Variants in WDR25 observed in about 807,000 individuals in gnomAD.
WDR25 encodes the protein WD repeat domain 25, also known as WD repeat-containing protein 25.
WDR25 carries 35 observed loss-of-function variants against 47.7 expected under a neutral mutation model. The observed-to-expected ratio is 0.73, with a 90% CI of 0.56 to 0.97. The LOEUF is 0.97. WDR25 is among the 50% of genes least tolerant of loss of function. WDR25 has a pLI of 0.00. For synonymous variants in WDR25, 248 were observed against 278.9 expected, an observed-to-expected ratio of 0.89 and a Z score of 1.10; for missense variants, 634 against 704.7, an observed-to-expected ratio of 0.90 and a Z score of 1.14.
At chr14:100,417,531 G>A (rs562236077) in intron 2 of WDR25, among the ~76,000 whole-genome samples, 1 of 152,300 alleles carries the variant, frequency 6.6e-6, no homozygotes, top group East Asian at 1.9e-4. Context: ...CTCTTCCCTG[G>A]TGGCTCCCCT....
intron 4 of WDR25, among the ~76,000 whole-genome samples, chr14:100,512,259 T>A (rs563424265): frequency 4.5e-4 from 68 of 152,312 alleles, no homozygotes; most frequent in African/African-American, 1.6e-3. Flanking sequence ...TTTGAAATTT[T>A]AAATAAAATC....
chr14:100,516,930 GTTT>G (rs796822380), intron 4 of WDR25, among the ~76,000 whole-genome samples: 1 of 138,648 alleles, frequency 7.2e-6, no homozygotes. Context: ...ATTTGTCTCT[GTTT>G]TTTTTTTTTT....
rs1052456879 is a variant in WDR25, at chr14:100,529,409, A to C, written c.1413+201A>C. 1 of 767,142 alleles carries C rather than the reference A, an allele frequency of 1.3e-6. No individual in the cohort carries two copies. Among genetic ancestry groups the C allele is most frequent in the South Asian group, 1.8e-5 (1 of 54,196 alleles). 47.5% of individuals were successfully genotyped at this position (767,142 alleles called of 1,614,324 possible). ...CTGGTCCTCACCCCAGGCCCCACGT[A>C]CTGGGCAGGAAGCAGTAGTTGGCTC... On this transcript the variant is annotated intron_variant, in intron 6 of 6. Coordinates refer to ENST00000402312, the MANE Select transcript of WDR25 (RefSeq NM_001161476.3). The surrounding 1 kb of genome is among the most constrained non-coding windows in gnomAD (Gnocchi z 5.1).
chr14:100,503,058 C>CGTGT (rs143534778), intron 4 of WDR25, among the ~76,000 whole-genome samples: 3 of 146,752 alleles, frequency 2.0e-5, no homozygotes, highest in South Asian at 2.2e-4. Flanking sequence ...TGTGTGTGTG[C>CGTGT]GTGTGTGTGT....
chr14:100,495,184 G>C (rs550080182), intron 4 of WDR25, among the ~76,000 whole-genome samples: 5 of 152,102 alleles, frequency 3.3e-5, no homozygotes, highest in Admixed American at 1.3e-4. Flanking sequence ...GTGAAACTCT[G>C]TCTCTCTACT....
chr14:100,506,482 C>A lies in WDR25; in HGVS notation c.1102-19388C>A, dbSNP rs553859645. Among the ~76,000 whole-genome samples the A allele has an allele frequency of 2.6e-5, 4 of 152,280 alleles. No homozygotes were observed. The highest frequency in any genetic ancestry group is 9.6e-5 in the African/African-American group (4 of 41,566). ...GTACTGTTTTATGTTCTTTGAGAAA[C>A]CTCCAAACTGCTTTCCACAATGGCT... On this transcript the variant is annotated intron_variant, in intron 4 of 6. Coordinates refer to ENST00000402312, the MANE Select transcript of WDR25 (RefSeq NM_001161476.3). This position sits in a 1 kb window ranked among gnomAD's most constrained non-coding sequence, Gnocchi z 4.8.
chr14:100,444,549 T>TGGCCCCA (rs3842316), intron 2 of WDR25, among the ~76,000 whole-genome samples: 3 of 151,040 alleles, frequency 2.0e-5, no homozygotes, highest in South Asian at 4.2e-4. Context: ...CTTCTTGCAC[T>TGGCCCCA]GGCCCCAGGC....
rs887162447 is a variant in WDR25, at chr14:100,428,501, G to A, written c.823-39520G>A. Among the ~76,000 whole-genome samples the A allele has an allele frequency of 2.6e-5, 4 of 152,156 alleles. No homozygotes were observed. The highest frequency in any genetic ancestry group is 7.2e-5 in the African/African-American group (3 of 41,436). The stretch of plus-strand genomic sequence containing the variant: ...GGATGGGGGACAGTGCCTGAGCGCC[G>A]GGGGCTGCACATGGTGCCTGTCTCT... On this transcript the variant is annotated intron_variant, in intron 2 of 6. Coordinates refer to ENST00000402312, the MANE Select transcript of WDR25 (RefSeq NM_001161476.3). The surrounding 1 kb of genome is among the most constrained non-coding windows in gnomAD (Gnocchi z 4.3).
At chr14:100,522,657 C>A (rs2140385777) in intron 4 of WDR25, among the ~76,000 whole-genome samples, 1 of 152,346 alleles carries the variant, frequency 6.6e-6, no homozygotes, top group South Asian at 2.1e-4. Context: ...GCACAGCACC[C>A]TTAGTTCCTC....
At chr14:100,391,185 C>T (rs1595493442) in intron 2 of WDR25, among the ~76,000 whole-genome samples, 1 of 152,026 alleles carries the variant, frequency 6.6e-6, no homozygotes, top group African/African-American at 2.4e-5. Flanking sequence ...TGTAATTGTC[C>T]ATGGCTCTAG....
chr14:100,437,134 A>T (rs1422766282), intron 2 of WDR25, among the ~76,000 whole-genome samples: 1 of 152,120 alleles, frequency 6.6e-6, no homozygotes, highest in African/African-American at 2.4e-5. Context: ...ATTGTGGCTG[A>T]GGGCTCAGGA....
chr14:100,511,479 G>T (rs1046804570), intron 4 of WDR25, among the ~76,000 whole-genome samples: 22 of 152,156 alleles, frequency 1.4e-4, no homozygotes, highest in Non-Finnish European at 2.6e-4. Flanking sequence ...ATAAAGTCAG[G>T]TTTAGTTATT....
chr14:100,406,384 C>T (rs1230141452), intron 2 of WDR25, among the ~76,000 whole-genome samples: 1 of 152,160 alleles, frequency 6.6e-6, no homozygotes, highest in African/African-American at 2.4e-5. Flanking sequence ...TGCTGTGTGC[C>T]AGGATCTTCA....
rs996871363 is a variant in WDR25 at position 100,449,395 on chromosome 14, G to A, written c.823-18626G>A. Among the ~76,000 whole-genome samples the A allele has an allele frequency of 6.6e-6, 1 of 152,238 alleles. No individual in the cohort carries two copies. Among genetic ancestry groups the A allele is most frequent in the Non-Finnish European group, 1.5e-5 (1 of 68,042 alleles). On this transcript the variant is annotated intron_variant, in intron 2 of 6. Transcript: ENST00000402312. This position sits in a 1 kb window ranked among gnomAD's most constrained non-coding sequence, Gnocchi z 4.2. The stretch of plus-strand genomic sequence containing the variant: ...GACAGCCTGGCACTGGCCTGTGGCG[G>A]TTGCCATGGCAGCAGGACATGAGCA...
intron 2 of WDR25, among the ~76,000 whole-genome samples, chr14:100,464,248 C>G (rs996919017): frequency 3.3e-5 from 5 of 152,236 alleles, no homozygotes; most frequent in African/African-American, 1.2e-4. Context: ...TTCTACATAG[C>G]TGGCTTTCTC....
At position 100,529,246 on chromosome 14, in the gene WDR25, C is replaced by A; in HGVS notation, c.1413+38C>A. 1 of 1,611,310 alleles carries A rather than the reference C, an allele frequency of 6.2e-7. No homozygotes were observed. Among genetic ancestry groups the A allele is most frequent in the Non-Finnish European group, 8.5e-7 (1 of 1,179,414 alleles). The stretch of plus-strand genomic sequence containing the variant: ...TTGTCCCCCAGGCGAATGCTGAGCC[C>A]CAGCCCCAAGCCTCCTGGCAGTCCT... On this transcript the variant is annotated intron_variant, in intron 6 of 6. Transcript: ENST00000402312. This position sits in a 1 kb window ranked among gnomAD's most constrained non-coding sequence, Gnocchi z 5.1.
chr14:100,429,855 T>C (rs939738349), intron 2 of WDR25, among the ~76,000 whole-genome samples: 6 of 152,056 alleles, frequency 3.9e-5, no homozygotes, highest in Admixed American at 1.3e-4. Flanking sequence ...GAGAGGGCTC[T>C]TATGTCTCTT....
intron 4 of WDR25, among the ~76,000 whole-genome samples, chr14:100,524,706 C>T (rs1005792003): frequency 2.6e-5 from 4 of 152,132 alleles, no homozygotes; most frequent in African/African-American, 4.8e-5. Flanking sequence ...GAGAATGAAC[C>T]GTGGGTCCCA....
chr14:100,412,981 C>G (rs984436840), intron 2 of WDR25, among the ~76,000 whole-genome samples: 3 of 152,116 alleles, frequency 2.0e-5, no homozygotes, highest in African/African-American at 2.4e-5. Context: ...AGGCACCCAC[C>G]ACCAGGCCTG....
Sources: allele counts gnomAD v4.1 joint callset (sites outside exome capture counted in the v4.1 genomes callset), GRCh38; gene constraint gnomAD v4.1.1; non-coding constraint Gnocchi (gnomAD v3.1); transcripts MANE v1.5; gene names NCBI Gene and HGNC (gene_info 2026-07-23, HGNC 2026-07-21).